Variants in CRIM1 observed in about 807,000 individuals in gnomAD.
CRIM1 encodes cysteine-rich motor neuron 1 protein.
In CRIM1, 32 loss-of-function variants were observed where a neutral mutation model predicts 116.4. The observed-to-expected ratio is 0.27, with a 90% CI of 0.21 to 0.37. CRIM1 has a LOEUF of 0.37. CRIM1 is among the 10% of genes least tolerant of loss of function. The pLI, the probability that CRIM1 is intolerant of heterozygous loss-of-function variation, is 1.00. For synonymous variants in CRIM1, 590 were observed against 509.2 expected (o/e 1.16, Z -2.13); for missense variants, 1,331 against 1,354.8 (o/e 0.98, Z 0.28).
chr2:36,490,825 C>T (rs575869947), intron 7 of CRIM1, among the ~76,000 whole-genome samples: 3 of 152,186 alleles, frequency 2.0e-5, no homozygotes, highest in Non-Finnish European at 2.9e-5. Context: ...ATTCTAGGCC[C>T]CAGGCCCTAA....
intron 7 of CRIM1, among the ~76,000 whole-genome samples, chr2:36,482,025 T>G (rs1679458343): frequency 6.6e-6 from 1 of 152,182 alleles, no homozygotes; most frequent in African/African-American, 2.4e-5. Flanking sequence ...AAGATGCCTT[T>G]GAGATGCATC....
intron 4 of CRIM1, among the ~76,000 whole-genome samples, chr2:36,454,362 C>A (rs1289704346): frequency 1.3e-5 from 2 of 152,170 alleles, no homozygotes; most frequent in African/African-American, 4.8e-5. Flanking sequence ...ACACCCCTCA[C>A]CACCACCACA....
At position 36,479,672 on chromosome 2, in the gene CRIM1, G is replaced by A; in HGVS notation, c.1350G>A (p.Gly450=). 1 of 1,614,180 alleles carries A rather than the reference G, an allele frequency of 6.2e-7. No homozygotes were observed. The highest frequency in any genetic ancestry group is 8.5e-7 in the Non-Finnish European group (1 of 1,179,992). The stretch of plus-strand genomic sequence containing the variant: ...GCACAAACCCTGTGAAAGTGCCTGG[G>A]GAGTGTTGCCCTGTGTGCGAAGGTA... ...QTCTNPVKVP[G]ECCPVCEEPT... is the part of the protein sequence containing the mutation. The change falls in exon 7 of 17, where the codon GGG becomes GGA. Residue 450 remains glycine (G), a synonymous_variant. Transcript: ENST00000280527.
chr2:36,398,324 A>G (rs1412760675), intron 2 of CRIM1, among the ~76,000 whole-genome samples: 1 of 152,120 alleles, frequency 6.6e-6, no homozygotes, highest in African/African-American at 2.4e-5. Context: ...TGCCCTCTTC[A>G]CTGCCACCTA....
In CRIM1 at chr2:36,513,561, T is replaced by C; in HGVS notation, c.1786T>C (p.Ser596Pro). The C allele has an allele frequency of 6.2e-7, 1 of 1,614,148 alleles. No homozygotes were observed. Residue 596 changes from serine to proline, a missense_variant, in exon 11 of 17, where the codon TCT becomes CCT. Ser to Pro is a moderately conservative substitution (Grantham distance 74, BLOSUM62 -1). Transcript: ENST00000280527. ...GCTGCCTTTTGTCTGTCCAGAGGCC[T>C]CTGCTTCAGCTGGGCCACCCATCCT... ...GCLICKCREA[S>P]ASAGPPILSG...
chr2:36,479,339 A>AC (rs992453693), intron 6 of CRIM1, among the ~76,000 whole-genome samples, 158 bp from the exon 7 acceptor site: 2 of 152,016 alleles, frequency 1.3e-5, no homozygotes, highest in African/African-American at 4.8e-5. Flanking sequence ...TTTTGCATGC[A>AC]CCCCCAGAGA....
intron 1 of CRIM1, among the ~76,000 whole-genome samples, chr2:36,393,114 C>T (rs1050141565): frequency 1.3e-5 from 2 of 152,102 alleles, no homozygotes; most frequent in Non-Finnish European, 2.9e-5. Context: ...CAGTGAAAAC[C>T]AATTAGCTGT....
intron 4 of CRIM1, among the ~76,000 whole-genome samples, chr2:36,463,706 C>G (rs1471152132): frequency 6.6e-6 from 1 of 152,132 alleles, no homozygotes; most frequent in African/African-American, 2.4e-5. Context: ...TTTCACCTGC[C>G]CGTATTTGCC....
chr2:36,410,952 T>G (rs1465216109), intron 2 of CRIM1, among the ~76,000 whole-genome samples: 1 of 152,216 alleles, frequency 6.6e-6, no homozygotes, highest in Non-Finnish European at 1.5e-5. Flanking sequence ...AGGACCTTGC[T>G]TGCTGACTTT....
At chr2:36,531,961 C>T (rs1355229156) in intron 13 of CRIM1, 1 of 470,950 alleles carries the variant, frequency 2.1e-6, no homozygotes, top group Non-Finnish European at 4.4e-6. Flanking sequence ...GCTCCAGGTC[C>T]CTGACGTAGT....
intron 1 of CRIM1, among the ~76,000 whole-genome samples, chr2:36,386,272 G>A (rs1447203587): frequency 6.6e-6 from 1 of 152,188 alleles, no homozygotes; most frequent in African/African-American, 2.4e-5. Context: ...GAAGTGGCAG[G>A]AAGGGAGATT....
chr2:36,365,828 G>A (rs996280889), intron 1 of CRIM1, among the ~76,000 whole-genome samples: 1 of 150,060 alleles, frequency 6.7e-6, no homozygotes, highest in East Asian at 2.0e-4. Flanking sequence ...CTGACTCCCT[G>A]GTTCAAGCGA....
Position 36,442,663 on chromosome 2 carries a change from C to A in CRIM1, c.797C>A (p.Thr266Asn). 1 of 1,614,156 alleles carries A rather than the reference C, an allele frequency of 6.2e-7. No homozygotes were observed. The highest frequency in any genetic ancestry group is 8.5e-7 in the Non-Finnish European group (1 of 1,180,012). Residue 266 changes from threonine (T) to asparagine (N), a missense_variant, in exon 4 of 17, where the codon ACC becomes AAC. Physicochemically the swap from Thr to Asn is moderately conservative, Grantham distance 65. Coordinates refer to ENST00000280527, the MANE Select transcript of CRIM1 (RefSeq NM_016441.3). ...GTGGAATGCCCTCCTGTTCAGCAGACCGCGTGTCCCCCGGACAGCTATGAA... is the reference window on the plus strand; with the variant it reads ...GTGGAATGCCCTCCTGTTCAGCAGAACGCGTGTCCCCCGGACAGCTATGAA... ...RTVECPPVQQ[T>N]ACPPDSYETQ...
At chr2:36,388,410 T>C (rs971220997) in intron 1 of CRIM1, among the ~76,000 whole-genome samples, 1 of 152,236 alleles carries the variant, frequency 6.6e-6, no homozygotes, top group Non-Finnish European at 1.5e-5. Context: ...GCCATAGGCA[T>C]ATGATTCTCT....
Position 36,391,156 on chromosome 2 carries a change from G to A in CRIM1, c.332-5458G>A, listed in dbSNP as rs1214720173. 2.8e-5 allele frequency among the ~76,000 whole-genome samples: 3 copies of A among 105,962 alleles called. No individual in the cohort carries two copies. In the East Asian group the frequency reaches 9.8e-4, roughly 35 times the overall value. The allele number at this position is 105,962 out of a possible 152,430, so 69.5% of individuals were successfully genotyped here. On this transcript the variant is annotated intron_variant, in intron 1 of 16. Coordinates refer to ENST00000280527, the MANE Select transcript of CRIM1 (RefSeq NM_016441.3). ...TTTTTTTTTTTTTTTTTGAGTTGGA[G>A]TCTTGCTCTGTCACCCAGGCTGGAG...
intron 1 of CRIM1, among the ~76,000 whole-genome samples, chr2:36,371,893 T>C (rs1669969154): frequency 6.6e-6 from 1 of 152,194 alleles, no homozygotes; most frequent in African/African-American, 2.4e-5. Context: ...GGTTATAAAT[T>C]ATCAACACAC....
intron 4 of CRIM1, among the ~76,000 whole-genome samples, chr2:36,456,726 G>T (rs60808817): frequency 0.094 from 14,294 of 152,226 alleles, 706 homozygotes; most frequent in East Asian, 0.26. Flanking sequence ...CATTTCAACA[G>T]GGGCACGGGC....
chr2:36,363,649 TG>T (rs1669394815), intron 1 of CRIM1, among the ~76,000 whole-genome samples: 1 of 151,016 alleles, frequency 6.6e-6, no homozygotes, highest in African/African-American at 2.4e-5. Context: ...GAATTATAAA[TG>T]TAACCATTTA....
At chr2:36,369,378 C>T (rs1204151946) in intron 1 of CRIM1, 1 of 152,196 alleles carries the variant, frequency 6.6e-6, no homozygotes, top group East Asian at 1.9e-4. Flanking sequence ...AAGATGCTTT[C>T]CAGCAGTCTT....
Sources: allele counts gnomAD v4.1 joint callset (sites outside exome capture counted in the v4.1 genomes callset), GRCh38; gene constraint gnomAD v4.1.1; transcripts MANE v1.5; gene names NCBI Gene and HGNC (gene_info 2026-07-23, HGNC 2026-07-21).